WDPCP: variants seen among roughly 807,000 people sequenced by gnomAD.
WDPCP encodes the protein WD repeat-containing and planar cell polarity effector protein fritz homolog.
Under a neutral mutation model 93.1 loss-of-function variants are expected in WDPCP, and 71 were observed. The observed-to-expected ratio is 0.76, with a 90% CI of 0.63 to 0.93. The LOEUF (loss-of-function observed/expected upper bound fraction) is 0.93, where lower values mean the gene tolerates loss of function less well. Ranked by LOEUF, WDPCP falls within the 40% of genes least tolerant of loss-of-function variation. The pLI, the probability that WDPCP is intolerant of heterozygous loss-of-function variation, is 0.00. For synonymous variants in WDPCP, 315 were observed against 315.0 expected, an observed-to-expected ratio of 1.00 and a Z score of 0.00; for missense variants, 844 against 887.4, an observed-to-expected ratio of 0.95 and a Z score of 0.62.
At chr2:63,635,441 C>T (rs1300993841) in intron 3 of WDPCP, among the ~76,000 whole-genome samples, 1 of 152,102 alleles carries the variant, frequency 6.6e-6, no homozygotes, top group Non-Finnish European at 1.5e-5. Context: ...AGGTCAATAT[C>T]CCTGATGAAC....
intron 14 of WDPCP, among the ~76,000 whole-genome samples, chr2:63,214,431 G>T (rs1040468562): frequency 6.6e-6 from 1 of 152,114 alleles, no homozygotes; most frequent in Non-Finnish European, 1.5e-5. Flanking sequence ...AGTGCTTCAC[G>T]CTAAAAACTC....
chr2:63,318,064 A>AT (rs1339624099), intron 12 of WDPCP, among the ~76,000 whole-genome samples: 1 of 152,188 alleles, frequency 6.6e-6, no homozygotes, highest in African/African-American at 2.4e-5. Flanking sequence ...ATTTAAACAA[A>AT]TTAACAGGCA....
intron 2 of WDPCP, among the ~76,000 whole-genome samples, chr2:63,678,037 G>A (rs1368689165): frequency 6.6e-6 from 1 of 152,104 alleles, no homozygotes; most frequent in Non-Finnish European, 1.5e-5. Flanking sequence ...TAGGAATGTG[G>A]GTTGCAAGTA....
chr2:63,304,655 G>A (rs1685582966), intron 13 of WDPCP, among the ~76,000 whole-genome samples: 1 of 152,170 alleles, frequency 6.6e-6, no homozygotes, highest in Non-Finnish European at 1.5e-5. Context: ...TGGGTTTCAA[G>A]CACAAAACTT....
At chr2:63,358,175 C>T (rs989165653) in intron 12 of WDPCP, among the ~76,000 whole-genome samples, 8 of 152,042 alleles carry the variant, frequency 5.3e-5, no homozygotes, top group Non-Finnish European at 1.0e-4. Context: ...TGTACAACAA[C>T]CATCATGACA....
chr2:63,729,524 G>A (rs1332915763), intron 2 of WDPCP, among the ~76,000 whole-genome samples: 1 of 152,058 alleles, frequency 6.6e-6, no homozygotes, highest in Non-Finnish European at 1.5e-5. Context: ...GGCAGGGCCA[G>A]GACCCACATC....
chr2:63,382,057 G>T lies in WDPCP; in HGVS notation c.1473C>A (p.Ile491=), dbSNP rs1346137311. 6.2e-7 allele frequency: 1 copy of T among 1,613,160 alleles called. No individual in the cohort carries two copies. Among genetic ancestry groups the T allele is most frequent in the Non-Finnish European group, 8.5e-7 (1 of 1,179,688 alleles). Reference sequence around the variant, plus strand: ...CATCACAGTGAATGTACTGGAAGATGATGTCTATCAGGCCCAGCTGTCCTC... The same window carrying T: ...CATCACAGTGAATGTACTGGAAGATTATGTCTATCAGGCCCAGCTGTCCTC... ...FTRGQLGLID[I]IFQYIHCDEI... is the part of the protein sequence containing the mutation. The change falls in exon 11 of 18, where the codon ATC becomes ATA. Residue 491 remains isoleucine (I), a synonymous_variant. Transcript: ENST00000272321.
intron 14 of WDPCP, among the ~76,000 whole-genome samples, chr2:63,237,523 T>C (rs1381347502): frequency 1.3e-5 from 2 of 152,124 alleles, no homozygotes; most frequent in African/African-American, 2.4e-5. Flanking sequence ...TACCCGGCCT[T>C]GTAAGCTTAT....
At chr2:63,400,875 C>T (rs943177403) in intron 10 of WDPCP, among the ~76,000 whole-genome samples, 2 of 151,988 alleles carry the variant, frequency 1.3e-5, no homozygotes, top group Non-Finnish European at 2.9e-5. Context: ...ACAAACCTGA[C>T]ACAAAAACAA....
At chr2:63,383,794 G>GT (rs1692514141) in intron 10 of WDPCP, among the ~76,000 whole-genome samples, 2 of 152,238 alleles carry the variant, frequency 1.3e-5, no homozygotes, top group Admixed American at 1.3e-4. Context: ...CAAAAAATCA[G>GT]TAAGTATAGG....
In WDPCP at chr2:63,532,361, T is replaced by A. The variant is rs561873879; in HGVS notation, c.76-39421A>T. ...ATTCAAATTAAGGAAATACAGAGAA[T>A]GCCACAAAGATACTCCTCAAGAAGA... On this transcript the variant is annotated intron_variant, in intron 1 of 17. Transcript: ENST00000272321. Among the ~76,000 whole-genome samples the A allele has an allele frequency of 4.6e-5, 7 of 152,090 alleles. No homozygotes were observed. The South Asian group carries it at 1.5e-3, about 32-fold the overall frequency.
intron 1 of WDPCP, among the ~76,000 whole-genome samples, chr2:63,541,627 T>C (rs1406485711): frequency 6.6e-6 from 1 of 152,192 alleles, no homozygotes; most frequent in Non-Finnish European, 1.5e-5. Context: ...TTTCTGCCCT[T>C]ATTTCCCCCT....
In WDPCP at chr2:63,697,717, G is replaced by C. The variant is rs370529724; in HGVS notation, n.309-46879C>G. Among the ~76,000 whole-genome samples the C allele has an allele frequency of 1.1e-4, 16 of 151,954 alleles. No homozygotes were observed. The East Asian group carries it at 2.3e-3, about 22-fold the overall frequency. On this transcript the variant is annotated intron_variant and non_coding_transcript_variant, in intron 2 of 4. Coordinates refer to the WDPCP transcript ENST00000467687. ...GGCTGGAGTGCAGTGGCGTGATCTTGGCTCACTGCACCCTAGACTTCCTGG... is the reference window on the plus strand; with the variant it reads ...GGCTGGAGTGCAGTGGCGTGATCTTCGCTCACTGCACCCTAGACTTCCTGG...
At position 63,649,850 on chromosome 2, in the gene WDPCP, T is replaced by G. The variant is rs190868243; in HGVS notation, n.488+809A>C. ...GGACTTGGAGCAAAAGGGAAACAGA[T>G]ATAGGATCCAAGGGAAAGGTTTGTT... On this transcript the variant is annotated intron_variant and non_coding_transcript_variant, in intron 3 of 4. Transcript: ENST00000467687. 8.2e-4 allele frequency among the ~76,000 whole-genome samples: 125 copies of G among 152,108 alleles called. 1 individual carries two copies. Among genetic ancestry groups the G allele is most frequent in the Non-Finnish European group, 3.1e-4 (21 of 67,984 alleles).
chr2:63,301,651 G>C (rs753669308), intron 13 of WDPCP, among the ~76,000 whole-genome samples: 2 of 152,076 alleles, frequency 1.3e-5, no homozygotes, highest in Non-Finnish European at 2.9e-5. Flanking sequence ...CATGGCTGGG[G>C]GTCACGCCAG....
intron 2 of WDPCP, among the ~76,000 whole-genome samples, chr2:63,804,636 G>A (rs1670738030): frequency 6.6e-6 from 1 of 151,388 alleles, no homozygotes; most frequent in African/African-American, 2.4e-5. Context: ...AGATAATGTT[G>A]GTGAACGACT....
At chr2:63,669,724 A>C (rs1415438147) in intron 2 of WDPCP, among the ~76,000 whole-genome samples, 1 of 152,190 alleles carries the variant, frequency 6.6e-6, no homozygotes, top group African/African-American at 2.4e-5. Context: ...CTCTTGTTAC[A>C]TGCATTTGCT....
chr2:63,785,110 C>T (rs1319728770), intron 2 of WDPCP, among the ~76,000 whole-genome samples: 1 of 152,170 alleles, frequency 6.6e-6, no homozygotes, highest in Admixed American at 6.5e-5. Flanking sequence ...ATTGGTTTTG[C>T]TCTTTAATTA....
At chr2:63,671,193 A>G (rs1710343204) in intron 2 of WDPCP, among the ~76,000 whole-genome samples, 1 of 152,072 alleles carries the variant, frequency 6.6e-6, no homozygotes, top group Admixed American at 6.5e-5. Context: ...TAGACCTCCA[A>G]CTACATAGAG....
Sources: gnomAD v4.1 joint callset for allele counts (sites outside exome capture counted in the v4.1 genomes callset) on GRCh38, gnomAD v4.1.1 for gene constraint, MANE v1.5 for transcripts, NCBI Gene and HGNC (gene_info 2026-07-23, HGNC 2026-07-21) for gene names.